The following DLGAP1 variants were observed in gnomAD, a reference collection of about 807,000 sequenced individuals.
The protein encoded by DLGAP1 is DLG associated protein 1.
In DLGAP1, 11 loss-of-function variants were observed where a neutral mutation model predicts 90.8. The ratio of observed to expected loss-of-function variants is 0.12; its 90% confidence interval spans 0.08 to 0.20. The LOEUF (loss-of-function observed/expected upper bound fraction) is 0.20, where lower values mean the gene tolerates loss of function less well. DLGAP1 is among the 10% of genes least tolerant of loss of function. DLGAP1 has a pLI of 1.00. For synonymous variants in DLGAP1, 558 were observed against 540.7 expected (o/e 1.03, Z -0.44); for missense variants, 1,050 against 1,333.8 (o/e 0.79, Z 3.31).
chr18:3,990,298 C>T (rs1431309064), intron 3 of DLGAP1, among the ~76,000 whole-genome samples: 2 of 152,026 alleles, frequency 1.3e-5, no homozygotes, highest in African/African-American at 4.8e-5. Flanking sequence ...GAATACTATG[C>T]AGCCATAAAA....
At chr18:4,143,765 C>G (rs1269023793) in intron 2 of DLGAP1, among the ~76,000 whole-genome samples, 1 of 152,064 alleles carries the variant, frequency 6.6e-6, no homozygotes, top group Non-Finnish European at 1.5e-5. Context: ...CAACCAAGGC[C>G]CATGGCAAGT....
At chr18:3,523,663 CG>C (rs1490420276) in intron 10 of DLGAP1, among the ~76,000 whole-genome samples, 3 of 151,376 alleles carry the variant, frequency 2.0e-5, no homozygotes, top group African/African-American at 7.3e-5. Context: ...CTGGCTAACA[CG>C]GTGAAACCCC....
intron 4 of DLGAP1, among the ~76,000 whole-genome samples, chr18:3,862,606 G>A (rs1015080059): frequency 3.3e-5 from 5 of 152,158 alleles, no homozygotes; most frequent in Non-Finnish European, 5.9e-5. Flanking sequence ...TGCACATGAC[G>A]TGCCCAGCAC....
In DLGAP1 at chr18:4,342,904, T is replaced by C. The variant is rs1026382229; in HGVS notation, c.-267+112102A>G. Among the ~76,000 whole-genome samples the C allele has an allele frequency of 2.0e-5, 3 of 152,198 alleles. No homozygotes were observed. Among genetic ancestry groups the C allele is most frequent in the African/African-American group, 4.8e-5 (2 of 41,458 alleles). ...AGCTTTGCATAAACAATATCAGATC[T>C]GAATATGAGAGATGAAGCCAAAATT... On this transcript the variant is annotated intron_variant, in intron 1 of 12. Coordinates refer to ENST00000315677, the MANE Select transcript of DLGAP1 (RefSeq NM_004746.4). The surrounding 1 kb of genome is among the most constrained non-coding windows in gnomAD (Gnocchi z 5.8).
At chr18:3,615,630 T>C (rs1369621208) in intron 7 of DLGAP1, among the ~76,000 whole-genome samples, 2 of 152,142 alleles carry the variant, frequency 1.3e-5, no homozygotes, top group Non-Finnish European at 1.5e-5. Flanking sequence ...GCTGCATTTT[T>C]CATTGCTTTG....
intron 3 of DLGAP1, among the ~76,000 whole-genome samples, chr18:3,923,449 T>C (rs1273941924): frequency 6.6e-6 from 1 of 152,186 alleles, no homozygotes; most frequent in Admixed American, 6.5e-5. Context: ...AAAATTTTTA[T>C]TTGTAAAAAT....
intron 1 of DLGAP1, among the ~76,000 whole-genome samples, chr18:4,198,790 T>C (rs1055272937): frequency 6.6e-6 from 1 of 152,244 alleles, no homozygotes; most frequent in Non-Finnish European, 1.5e-5. Flanking sequence ...ATGTATTACA[T>C]TCTGCAGTTT....
chr18:4,396,963 A>G (rs1004075551), intron 1 of DLGAP1, among the ~76,000 whole-genome samples: 5 of 152,200 alleles, frequency 3.3e-5, no homozygotes, highest in Non-Finnish European at 7.4e-5. Flanking sequence ...TAAAGCTGCC[A>G]TGGAATGAAG....
chr18:3,995,711 T>G (rs2074055358), intron 3 of DLGAP1: 1 of 151,072 alleles, frequency 6.6e-6, no homozygotes, highest in Non-Finnish European at 1.5e-5. Context: ...CTCGCTTTGG[T>G]GCAACGTGAG....
chr18:4,252,132 C>G (rs981061096), intron 1 of DLGAP1, among the ~76,000 whole-genome samples: 1 of 152,128 alleles, frequency 6.6e-6, no homozygotes, highest in African/African-American at 2.4e-5. Context: ...GGAGTTGGCC[C>G]GGTGGCTTGG....
In DLGAP1 at chr18:4,286,749, CT is replaced by C. The variant is rs1336671028; in HGVS notation, c.-266-135463del. On this transcript the variant is annotated intron_variant, in intron 1 of 12. Coordinates refer to ENST00000315677, the MANE Select transcript of DLGAP1 (RefSeq NM_004746.4). ...CCTCTGCCTTATCAGGACTCACATT[CT>C]CAGGAAGGTTACAGAAAATAAGCAA... Among the ~76,000 whole-genome samples, 2 of 152,048 alleles carry C rather than the reference CT, an allele frequency of 1.3e-5. 1 individual carries two copies. The highest frequency in any genetic ancestry group is 3.9e-4 in the East Asian group (2 of 5,188).
intron 5 of DLGAP1, among the ~76,000 whole-genome samples, chr18:3,794,705 G>A (rs920878028): frequency 2.0e-5 from 3 of 152,258 alleles, no homozygotes; most frequent in South Asian, 4.1e-4. Context: ...CCCCTAGAGG[G>A]CAGATTGCAG....
At chr18:3,981,677 G>T (rs1360884896) in intron 3 of DLGAP1, among the ~76,000 whole-genome samples, 1 of 152,214 alleles carries the variant, frequency 6.6e-6, no homozygotes, top group Non-Finnish European at 1.5e-5. Context: ...ATGCCCTTCA[G>T]ATTCTGCATG....
chr18:4,443,107 A>G (rs760276760), intron 1 of DLGAP1, among the ~76,000 whole-genome samples: 90 of 152,256 alleles, frequency 5.9e-4, no homozygotes, highest in Non-Finnish European at 1.0e-3. Flanking sequence ...ATTTCTGTCT[A>G]TAACTCCTAA....
At chr18:4,438,465 CT>C (rs2144806442) in intron 1 of DLGAP1, among the ~76,000 whole-genome samples, 2 of 135,730 alleles carry the variant, frequency 1.5e-5, no homozygotes, top group Admixed American at 1.5e-4. Flanking sequence ...GAAATCTCAT[CT>C]CATATGCCCA....
At chr18:3,848,982 C>T (rs957745772) in intron 4 of DLGAP1, among the ~76,000 whole-genome samples, 2 of 152,162 alleles carry the variant, frequency 1.3e-5, no homozygotes, top group Admixed American at 6.5e-5. Flanking sequence ...GTGACATGGT[C>T]CTGCATCTTT....
At chr18:3,812,473 C>G (rs1361511359) in intron 5 of DLGAP1, among the ~76,000 whole-genome samples, 1 of 151,766 alleles carries the variant, frequency 6.6e-6, no homozygotes, top group East Asian at 1.9e-4. Context: ...GTGAATGTGA[C>G]CTTATCTGGA....
At position 3,858,148 on chromosome 18, in the gene DLGAP1, CATTA is replaced by C. The variant is rs2069765917; in HGVS notation, c.957+20960_957+20963del. ...CCATCTAAATGTATTCTTTCTCCTA[CATTA>C]ATTATCTCAGTTGGAAGTATTGACA... On this transcript the variant is annotated intron_variant, in intron 4 of 12. Transcript: ENST00000315677. Among the ~76,000 whole-genome samples, 3 of 152,104 alleles carry C rather than the reference CATTA, an allele frequency of 2.0e-5. No individual in the cohort carries two copies. In the South Asian group the frequency reaches 6.2e-4, roughly 32 times the overall value.
At chr18:3,502,686 T>C (rs1031016003) in intron 11 of DLGAP1, 41 bp from the exon 12 acceptor site, 51 of 1,583,802 alleles carry the variant, frequency 3.2e-5, no homozygotes, top group Non-Finnish European at 4.1e-5. Flanking sequence ...TTAGAAGCAA[T>C]TCTTGACAAG....
Sources: gnomAD v4.1 joint callset for allele counts (sites outside exome capture counted in the v4.1 genomes callset) on GRCh38, gnomAD v4.1.1 for gene constraint, Gnocchi (gnomAD v3.1) non-coding constraint, MANE v1.5 for transcripts, NCBI Gene and HGNC (gene_info 2026-07-23, HGNC 2026-07-21) for gene names.